PCDH15: variants seen among roughly 807,000 people sequenced by gnomAD.
PCDH15 encodes the protein protocadherin related 15.
A neutral mutation model predicts 178.5 loss-of-function variants in PCDH15; 129 were observed. The ratio of observed to expected loss-of-function variants is 0.72; its 90% CI spans 0.63 to 0.84. PCDH15 has a LOEUF of 0.84. Among genes scored for constraint, PCDH15 ranks in the 40% least tolerant of loss-of-function variants. The pLI, the probability that PCDH15 is intolerant of heterozygous loss-of-function variation, is 0.00. For missense variants in PCDH15, 2,230 were observed against 2,099.9 expected, an observed-to-expected ratio of 1.06 and a Z score of -1.21; for synonymous variants, 800 against 732.0, an observed-to-expected ratio of 1.09 and a Z score of -1.50.
At chr10:54,328,804 A>AT (rs5785063) in intron 7 of PCDH15, among the ~76,000 whole-genome samples, 102,465 of 151,598 alleles carry the variant, frequency 0.68, 35,369 homozygotes, top group Middle Eastern at 0.82. Context: ...AGAGGGAAGT[A>AT]TAAGGATGGA....
intron 1 of PCDH15, among the ~76,000 whole-genome samples, chr10:55,296,632 C>T (rs1471279752): frequency 1.3e-5 from 2 of 152,126 alleles, no homozygotes. Context: ...AGGGCAGAGA[C>T]TAAATCTGTA....
intron 3 of PCDH15, among the ~76,000 whole-genome samples, chr10:54,810,813 T>G (rs1462795357): frequency 2.0e-5 from 3 of 152,142 alleles, no homozygotes; most frequent in Non-Finnish European, 4.4e-5. Context: ...GAATCAAATA[T>G]GGTTTTCTTT....
intron 2 of PCDH15, among the ~76,000 whole-genome samples, chr10:55,613,373 C>T (rs563572232): frequency 1.4e-4 from 22 of 152,130 alleles, no homozygotes; most frequent in African/African-American, 4.1e-4. Context: ...AGAGGCAGCA[C>T]CAACAAAAAA....
At chr10:54,965,157 A>G (rs1255937266) in intron 2 of PCDH15, among the ~76,000 whole-genome samples, 2 of 152,172 alleles carry the variant, frequency 1.3e-5, no homozygotes, top group Non-Finnish European at 2.9e-5. Flanking sequence ...TTTGAACAAA[A>G]TACAATATTT....
chr10:55,286,580 T>C (rs1226846957), intron 1 of PCDH15, among the ~76,000 whole-genome samples: 1 of 151,786 alleles, frequency 6.6e-6, no homozygotes, highest in Non-Finnish European at 1.5e-5. Flanking sequence ...GTCCTTGCTG[T>C]AGGTGCTACA....
intron 23 of PCDH15, among the ~76,000 whole-genome samples, chr10:53,944,538 G>A (rs938944152): frequency 2.6e-5 from 4 of 152,126 alleles, no homozygotes; most frequent in African/African-American, 9.6e-5. Flanking sequence ...TGCATCACTA[G>A]CTCTCTTCCA....
At chr10:54,882,761 T>G (rs1202623805) in intron 3 of PCDH15, among the ~76,000 whole-genome samples, 2 of 152,084 alleles carry the variant, frequency 1.3e-5, no homozygotes, top group African/African-American at 4.8e-5. Flanking sequence ...AAAATAGACA[T>G]GTCTTCTTGC....
chr10:53,974,726 A>G (rs918823599), intron 21 of PCDH15, among the ~76,000 whole-genome samples: 1 of 151,682 alleles, frequency 6.6e-6, no homozygotes, highest in Admixed American at 6.6e-5. Flanking sequence ...CCTATTCACA[A>G]CTTTCAAGTG....
intron 2 of PCDH15, among the ~76,000 whole-genome samples, chr10:54,599,169 T>G (rs893535625): frequency 6.6e-6 from 1 of 152,054 alleles, no homozygotes; most frequent in African/African-American, 2.4e-5. Context: ...AAAATTCATA[T>G]GGAACCAAAA....
At chr10:55,001,976 A>T (rs7912690) in intron 2 of PCDH15, among the ~76,000 whole-genome samples, 117,435 of 152,188 alleles carry the variant, frequency 0.77, 45,492 homozygotes, top group East Asian at 0.87. Flanking sequence ...ATTTTTTTGA[A>T]CCCAAGATGT....
chr10:55,046,517 G>A (rs930742724), intron 2 of PCDH15, among the ~76,000 whole-genome samples: 14 of 151,990 alleles, frequency 9.2e-5, no homozygotes, highest in Admixed American at 4.6e-4. Context: ...ATTTTGGCAA[G>A]CACATAATTA....
At chr10:54,307,096 GTGTGTGTGTATA>G (rs2060574480) in intron 8 of PCDH15, among the ~76,000 whole-genome samples, 2 of 10,562 alleles carry the variant, frequency 1.9e-4, no homozygotes, top group African/African-American at 1.1e-3. Flanking sequence ...ATATATATGT[GTGTGTGTGTATA>G]TATATATATA....
intron 13 of PCDH15, among the ~76,000 whole-genome samples, chr10:54,170,709 C>T (rs1413374163): frequency 6.6e-6 from 1 of 151,968 alleles, no homozygotes; most frequent in Non-Finnish European, 1.5e-5. Context: ...TCCTTCTTTC[C>T]TGTTCCTCAC....
chr10:54,418,572 G>A (rs536386257), intron 3 of PCDH15, among the ~76,000 whole-genome samples: 35 of 151,862 alleles, frequency 2.3e-4, no homozygotes, highest in African/African-American at 7.7e-4. Context: ...GAACATTATG[G>A]AAAATTGGCA....
At chr10:55,513,933 C>A (rs1289938835) in intron 2 of PCDH15, among the ~76,000 whole-genome samples, 2 of 151,974 alleles carry the variant, frequency 1.3e-5, no homozygotes, top group Non-Finnish European at 2.9e-5. Context: ...ATCTCAGATG[C>A]AAAATTTTAT....
At chr10:55,041,221 C>CA in intron 2 of PCDH15, among the ~76,000 whole-genome samples, 1 of 152,084 alleles carries the variant, frequency 6.6e-6, no homozygotes, top group African/African-American at 2.4e-5. Flanking sequence ...CCATCTTAAC[C>CA]AAAACAGAAA....
intron 2 of PCDH15, among the ~76,000 whole-genome samples, chr10:55,544,544 T>TA (rs1312258314): frequency 6.6e-6 from 1 of 152,118 alleles, no homozygotes; most frequent in Non-Finnish European, 1.5e-5. Flanking sequence ...TAACAAGTAT[T>TA]AAAATTTCTG....
In PCDH15 at chr10:54,600,125, C is replaced by A. The variant is rs960268197; in HGVS notation, c.91+64047G>T. On this transcript the variant is annotated intron_variant, in intron 2 of 37. Transcript: ENST00000644397. ...AAGGAAGAGAAACCAATGGATGTGC[C>A]AGAGAAGAAGAAAGCTGAGTCCCTG... 3.5e-6 allele frequency: 3 copies of A among 846,370 alleles called. No homozygotes were observed. In the Admixed American group the frequency reaches 6.2e-5, roughly 17 times the overall value. 52.4% of individuals were successfully genotyped at this position (846,370 alleles called of 1,614,324 possible). A position where few individuals can be genotyped will look rare whatever the true frequency, so the allele number is the denominator to read the frequency against.
intron 2 of PCDH15, among the ~76,000 whole-genome samples, chr10:55,043,958 A>G (rs1296288954): frequency 6.6e-6 from 1 of 152,038 alleles, no homozygotes; most frequent in Non-Finnish European, 1.5e-5. Flanking sequence ...AAAGCATTTG[A>G]TATAAAGACC....
Sources: allele counts gnomAD v4.1 joint callset (sites outside exome capture counted in the v4.1 genomes callset), GRCh38; gene constraint gnomAD v4.1.1; transcripts MANE v1.5; gene names NCBI Gene and HGNC (gene_info 2026-07-23, HGNC 2026-07-21).